Variants in ITSN2 observed in about 807,000 individuals in gnomAD.
ITSN2 encodes intersectin 2.
A neutral mutation model predicts 243.7 loss-of-function variants in ITSN2; 156 were observed. The observed-to-expected ratio is 0.64, with a 90% CI of 0.56 to 0.73. The LOEUF (loss-of-function observed/expected upper bound fraction) is 0.73, where lower values mean the gene tolerates loss of function less well. ITSN2 is among the 30% of genes least tolerant of loss of function. ITSN2 has a pLI of 0.00. For missense variants in ITSN2, 1,801 were observed against 1,996.1 expected, an observed-to-expected ratio of 0.90 and a Z score of 1.86; for synonymous variants, 703 against 699.9, an observed-to-expected ratio of 1.00 and a Z score of -0.07.
Position 24,330,371 on chromosome 2 carries a change from G to C in ITSN2, c.-33-2256C>G. On this transcript the variant is annotated intron_variant, in intron 1 of 39. Transcript: ENST00000355123. ...TGCATGCCACTGCATCCTGTGCCAA[G>C]TGCTTACCTCCTGCCACCGTTGCCA... The C allele has an allele frequency of 5.5e-6, 3 of 543,068 alleles. No homozygotes were observed. In the East Asian group the frequency reaches 1.3e-4, roughly 24 times the overall value. 33.6% of individuals were successfully genotyped at this position (543,068 alleles called of 1,614,324 possible). A position where few individuals can be genotyped will look rare whatever the true frequency, so the allele number is the denominator to read the frequency against.
At chr2:24,329,391 C>G (rs1195148124) in intron 1 of ITSN2, among the ~76,000 whole-genome samples, 1 of 152,176 alleles carries the variant, frequency 6.6e-6, no homozygotes, top group African/African-American at 2.4e-5. Context: ...TCCTGAGTAG[C>G]TGGGTCTACA....
At chr2:24,359,575 G>A (rs897419139) in intron 1 of ITSN2, among the ~76,000 whole-genome samples, 1 of 152,102 alleles carries the variant, frequency 6.6e-6, no homozygotes, top group Non-Finnish European at 1.5e-5. Context: ...AGAATACAAA[G>A]CCATCTGCAG....
chr2:24,210,268 C>A, intron 34 of ITSN2: 1 of 508,128 alleles, frequency 2.0e-6, no homozygotes, highest in Non-Finnish European at 3.5e-6. Context: ...CAGCTGAATT[C>A]AAAGAACTCA....
intron 1 of ITSN2, among the ~76,000 whole-genome samples, chr2:24,333,523 G>T (rs1686016947): frequency 6.6e-6 from 1 of 152,120 alleles, no homozygotes; most frequent in African/African-American, 2.4e-5. Flanking sequence ...TGGCAAATTT[G>T]CAGTCATCAT....
chr2:24,293,010 C>T (rs1238496789), intron 15 of ITSN2, among the ~76,000 whole-genome samples: 1 of 152,208 alleles, frequency 6.6e-6, no homozygotes, highest in Non-Finnish European at 1.5e-5. Context: ...TGTAACACAA[C>T]ATCTGCAGAT....
intron 34 of ITSN2, 157 bp from the exon 35 acceptor site, chr2:24,210,190 A>G (rs1347511121): frequency 1.7e-6 from 1 of 604,258 alleles, no homozygotes; most frequent in African/African-American, 1.9e-5. Flanking sequence ...CCTTAAATAC[A>G]TTACTCTTCA....
At chr2:24,258,420 T>C (rs771386894) in intron 22 of ITSN2, among the ~76,000 whole-genome samples, 1 of 152,192 alleles carries the variant, frequency 6.6e-6, no homozygotes, top group African/African-American at 2.4e-5. Context: ...AATGTTACTG[T>C]AAATCTTTTT....
intron 32 of ITSN2, among the ~76,000 whole-genome samples, chr2:24,212,967 A>T (rs1669639485): frequency 1.3e-5 from 2 of 152,140 alleles, no homozygotes. Flanking sequence ...CTACACTGAT[A>T]TGTCGCACTG....
In ITSN2 at chr2:24,249,841, C is replaced by A. The variant is rs998264104; in HGVS notation, c.3121-959G>T. Among the ~76,000 whole-genome samples, 1 of 152,152 alleles carries A rather than the reference C, an allele frequency of 6.6e-6. No individual in the cohort carries two copies. The highest frequency in any genetic ancestry group is 2.4e-5 in the African/African-American group (1 of 41,440). ...GTAGAACCTGGAAATAGTCCTTGAG[C>A]CTCTTTCAGGGGTCTGTGGGATAAA... On this transcript the variant is annotated intron_variant, in intron 25 of 39. Transcript: ENST00000355123. The surrounding 1 kb of genome is among the most constrained non-coding windows in gnomAD (Gnocchi z 4.4).
At chr2:24,303,687 T>C in intron 9 of ITSN2, 112 bp downstream of exon 9, 1 of 753,128 alleles carries the variant, frequency 1.3e-6, no homozygotes. Flanking sequence ...ATAGAGCATC[T>C]CTGAGTCACA....
chr2:24,206,800 G>A (rs1275285259), intron 37 of ITSN2, among the ~76,000 whole-genome samples: 6 of 152,150 alleles, frequency 3.9e-5, no homozygotes, highest in Admixed American at 3.9e-4. Context: ...GAGGATGAGC[G>A]CCCGGAGGAT....
intron 1 of ITSN2, among the ~76,000 whole-genome samples, chr2:24,335,487 C>A (rs1686261407): frequency 6.6e-6 from 1 of 152,150 alleles, no homozygotes; most frequent in African/African-American, 2.4e-5. Context: ...CGTGTACCAC[C>A]ATGCTCAGCT....
intron 2 of ITSN2, among the ~76,000 whole-genome samples, chr2:24,320,578 G>A (rs1036360045): frequency 6.2e-5 from 9 of 145,802 alleles, no homozygotes; most frequent in Non-Finnish European, 1.0e-4. Flanking sequence ...AGCCAGTGGT[G>A]GTGGCTCACA....
chr2:24,210,237 G>T, intron 34 of ITSN2: 1 of 561,150 alleles, frequency 1.8e-6, no homozygotes, highest in South Asian at 2.3e-5. Flanking sequence ...ATTACTTCTA[G>T]CCACAGAACA....
At chr2:24,337,960 A>G (rs1392554609) in intron 1 of ITSN2, among the ~76,000 whole-genome samples, 1 of 152,130 alleles carries the variant, frequency 6.6e-6, no homozygotes, top group Non-Finnish European at 1.5e-5. Context: ...AATGTAAACC[A>G]AAAATAAAAT....
chr2:24,289,426 T>C (rs1286578407), intron 15 of ITSN2, among the ~76,000 whole-genome samples: 1 of 152,190 alleles, frequency 6.6e-6, no homozygotes, highest in African/African-American at 2.4e-5. Flanking sequence ...GTGTAAAAAA[T>C]GCAACTGATT....
intron 13 of ITSN2, among the ~76,000 whole-genome samples, chr2:24,296,908 A>T (rs1298961906): frequency 6.6e-6 from 1 of 152,158 alleles, no homozygotes; most frequent in African/African-American, 2.4e-5. Context: ...TCAACATGGG[A>T]TACGTATAGG....
At chr2:24,353,137 A>G (rs1173172958) in intron 1 of ITSN2, among the ~76,000 whole-genome samples, 8 of 152,234 alleles carry the variant, frequency 5.3e-5, no homozygotes, top group Non-Finnish European at 8.8e-5. Context: ...CAAACTTAAA[A>G]GGTAAATGGG....
At chr2:24,346,251 G>A (rs1255264327) in intron 1 of ITSN2, among the ~76,000 whole-genome samples, 1 of 152,160 alleles carries the variant, frequency 6.6e-6, no homozygotes, top group Non-Finnish European at 1.5e-5. Context: ...CATAAAGCAT[G>A]CAGACAGTAT....
Sources: gnomAD v4.1 joint callset for allele counts (sites outside exome capture counted in the v4.1 genomes callset) on GRCh38, gnomAD v4.1.1 for gene constraint, Gnocchi (gnomAD v3.1) non-coding constraint, MANE v1.5 for transcripts, NCBI Gene and HGNC (gene_info 2026-07-23, HGNC 2026-07-21) for gene names.